Variants in CPNE5 observed in about 807,000 individuals in gnomAD.
CPNE5 encodes copine 5.
CPNE5 carries 42 observed loss-of-function variants against 81.1 expected under a neutral mutation model. The ratio of observed to expected loss-of-function variants is 0.52; its 90% confidence interval spans 0.40 to 0.67. CPNE5 has a LOEUF of 0.67. CPNE5 is among the 30% of genes least tolerant of loss of function. CPNE5 has a pLI of 0.00. For synonymous variants in CPNE5, 313 were observed against 321.5 expected, an observed-to-expected ratio of 0.97 and a Z score of 0.28; for missense variants, 612 against 815.5, an observed-to-expected ratio of 0.75 and a Z score of 3.04.
chr6:36,781,240 C>A (rs1474675241), intron 8 of CPNE5, among the ~76,000 whole-genome samples: 1 of 152,072 alleles, frequency 6.6e-6, no homozygotes, highest in East Asian at 1.9e-4. Context: ...GGAAGCTGGA[C>A]TGGGGGCTTC....
In CPNE5 at chr6:36,792,107, A is replaced by G. The variant is rs1769150220; in HGVS notation, c.465-11T>C. The G allele has an allele frequency of 1.2e-6, 2 of 1,612,142 alleles. No individual in the cohort carries two copies. Among genetic ancestry groups the G allele is most frequent in the Non-Finnish European group, 8.5e-7 (1 of 1,178,414 alleles). On this transcript the variant is annotated splice_polypyrimidine_tract_variant and intron_variant, in intron 7 of 20. Transcript: ENST00000244751. ...TTTCCTGGGACACCACTGGGAGAGG[A>G]GAAGATGAAAGAATGGAAAGCCAGA... is the stretch of plus-strand genomic sequence containing the variant.
intron 3 of CPNE5, among the ~76,000 whole-genome samples, chr6:36,805,624 G>A (rs1018742350): frequency 1.2e-4 from 18 of 152,170 alleles, no homozygotes; most frequent in African/African-American, 4.3e-4. Context: ...AGTGACAGGG[G>A]AGGTGACAGG....
chr6:36,750,370 A>C (rs1284207881), intron 14 of CPNE5, among the ~76,000 whole-genome samples: 2 of 152,180 alleles, frequency 1.3e-5, no homozygotes. Flanking sequence ...TGTCAAGGAC[A>C]TGGTTAGCAG....
intron 3 of CPNE5, among the ~76,000 whole-genome samples, chr6:36,820,963 T>G (rs1371940301): frequency 1.3e-5 from 2 of 149,958 alleles, no homozygotes; most frequent in Admixed American, 6.6e-5. Context: ...AAAAAAAAAG[T>G]AAACCAGGGT....
intron 1 of CPNE5, among the ~76,000 whole-genome samples, chr6:36,827,166 C>A: frequency 6.6e-6 from 1 of 152,256 alleles, no homozygotes; most frequent in Non-Finnish European, 1.5e-5. Context: ...CTTCAGCCTC[C>A]GTTCCATTCC....
intron 10 of CPNE5, among the ~76,000 whole-genome samples, chr6:36,772,007 TC>T (rs1294115303): frequency 6.6e-6 from 1 of 151,880 alleles, no homozygotes; most frequent in Non-Finnish European, 1.5e-5. Context: ...AGCCTGCCCC[TC>T]CCACCAAATA....
chr6:36,775,173 G>C (rs947427195), intron 9 of CPNE5, 108 bp from the exon 10 acceptor site: 3 of 777,912 alleles, frequency 3.9e-6, no homozygotes, highest in African/African-American at 3.4e-5. Flanking sequence ...CTGGACGACG[G>C]AAATGATGGC....
chr6:36,792,395 C>A (rs1769181200), intron 7 of CPNE5: 1 of 1,454,902 alleles, frequency 6.9e-7, no homozygotes, highest in South Asian at 1.2e-5. Flanking sequence ...TCCAGACTCA[C>A]CCGGAGGCTT....
intron 6 of CPNE5, among the ~76,000 whole-genome samples, chr6:36,795,774 G>A (rs1391345453): frequency 6.6e-6 from 1 of 152,178 alleles, no homozygotes; most frequent in Admixed American, 6.5e-5. Context: ...AACTAACACA[G>A]ATTTCACAAG....
intron 3 of CPNE5, among the ~76,000 whole-genome samples, chr6:36,814,927 G>A (rs1041452862): frequency 6.6e-6 from 1 of 152,154 alleles, no homozygotes; most frequent in Non-Finnish European, 1.5e-5. Flanking sequence ...AGCACTTTGG[G>A]AGGCCAAGGC....
rs1773806543 is a variant in CPNE5 at position 36,839,146 on chromosome 6, G to T, written c.95+137C>A. The T allele has an allele frequency of 1.7e-6, 1 of 602,922 alleles. No homozygotes were observed. Among genetic ancestry groups the T allele is most frequent in the Non-Finnish European group, 2.8e-6 (1 of 362,476 alleles). The allele number at this position is 602,922 out of a possible 1,614,324, so 37.3% of individuals were successfully genotyped here. A position where few individuals can be genotyped will look rare whatever the true frequency, so the allele number is the denominator to read the frequency against. On this transcript the variant is annotated intron_variant, in intron 1 of 20. Transcript: ENST00000244751. This position sits in a 1 kb window ranked among gnomAD's most constrained non-coding sequence, Gnocchi z 7.3. The stretch of plus-strand genomic sequence containing the variant: ...CTGGACAGGACAGGGGCTCTTGGCA[G>T]ATCGGCAGGGGCGCAGTCCTGGAGA...
intron 1 of CPNE5, among the ~76,000 whole-genome samples, chr6:36,824,572 G>A (rs1391825823): frequency 6.6e-6 from 1 of 152,186 alleles, no homozygotes; most frequent in East Asian, 1.9e-4. Context: ...CCCCACAGGG[G>A]CCTCTGCCCC....
At position 36,822,130 on chromosome 6, in the gene CPNE5, T is replaced by A; in HGVS notation, c.167A>T (p.Asn56Ile). Residue 56 changes from asparagine to isoleucine, a missense_variant, in exon 3 of 21, where the codon AAC (asparagine) becomes ATC (isoleucine). Coordinates refer to ENST00000244751, the MANE Select transcript of CPNE5 (RefSeq NM_020939.2). Reference sequence around the variant, plus strand: ...TGCACCTACCTCCCGCCACTGCTTGTTCTCCATCCCTTGGGTATACATGAC... The same window carrying A: ...TGCACCTACCTCCCGCCACTGCTTGATCTCCATCCCTTGGGTATACATGAC... ...LCVMYTQGMENKQWREFGRTE... is the reference protein window; with the variant it reads ...LCVMYTQGMEIKQWREFGRTE... 1.3e-6 allele frequency: 2 copies of A among 1,539,668 alleles called. No individual in the cohort carries two copies. Among genetic ancestry groups the A allele is most frequent in the Non-Finnish European group, 1.8e-6 (2 of 1,137,658 alleles).
At chr6:36,757,731 C>T (rs1313493577) in intron 12 of CPNE5, among the ~76,000 whole-genome samples, 1 of 152,122 alleles carries the variant, frequency 6.6e-6, no homozygotes, top group Non-Finnish European at 1.5e-5. Flanking sequence ...AAGGAAAGAC[C>T]ACTCTAGGTG....
chr6:36,778,529 G>A (rs906220865), intron 9 of CPNE5, among the ~76,000 whole-genome samples: 1 of 152,132 alleles, frequency 6.6e-6, no homozygotes, highest in Non-Finnish European at 1.5e-5. Context: ...TCCCATGAGG[G>A]ACTGGCCCCC....
chr6:36,753,316 G>T (rs1211671560), intron 13 of CPNE5, among the ~76,000 whole-genome samples: 1 of 152,236 alleles, frequency 6.6e-6, no homozygotes, highest in African/African-American at 2.4e-5. Context: ...CAAGGACACT[G>T]CCAGGGCAGA....
intron 10 of CPNE5, among the ~76,000 whole-genome samples, chr6:36,768,225 C>CTTTTGTTTTTTTT (rs1766736677): frequency 1.7e-5 from 1 of 60,496 alleles, no homozygotes; most frequent in African/African-American, 6.4e-5. Flanking sequence ...ATTCACAGTT[C>CTTTTGTTTTTTTT]TTTTTTTTTT....
intron 15 of CPNE5, among the ~76,000 whole-genome samples, chr6:36,747,022 A>T (rs964537844): frequency 2.6e-5 from 4 of 151,098 alleles, no homozygotes; most frequent in Admixed American, 2.6e-4. Context: ...CCTCCCTGTC[A>T]CTCGCCAGTC....
Position 36,745,059 on chromosome 6 carries a change from C to T in CPNE5, c.1420G>A (p.Ala474Thr). ...VISDMAQTKE[A>T]IVNAAKLPMS... is the part of the protein sequence containing the mutation. ...CACTCCTTGCTTACGTTGACAATGG[C>T]CTCCTTGGTCTGCGCCATGTCCGAG... is the stretch of plus-strand genomic sequence containing the variant. The change falls in exon 18 of 21, where the codon GCC (alanine) becomes ACC (threonine). Residue 474 changes from alanine (A) to threonine (T), a missense_variant. Transcript: ENST00000244751. 6.2e-7 allele frequency: 1 copy of T among 1,613,226 alleles called. No individual in the cohort carries two copies. The highest frequency in any genetic ancestry group is 8.5e-7 in the Non-Finnish European group (1 of 1,179,102).
Sources: gnomAD v4.1 joint callset for allele counts (sites outside exome capture counted in the v4.1 genomes callset) on GRCh38, gnomAD v4.1.1 for gene constraint, Gnocchi (gnomAD v3.1) non-coding constraint, MANE v1.5 for transcripts, NCBI Gene and HGNC (gene_info 2026-07-23, HGNC 2026-07-21) for gene names.